Variants in RAD21L1 observed in about 807,000 individuals in gnomAD.
RAD21L1 encodes RAD21 cohesin complex component like 1, also known as double-strand-break repair protein rad21-like protein 1.
RAD21L1 carries 47 observed loss-of-function variants against 69.0 expected under a neutral mutation model. The observed-to-expected ratio is 0.68, with a 90% CI of 0.54 to 0.87. The LOEUF (loss-of-function observed/expected upper bound fraction) is 0.87, where lower values mean the gene tolerates loss of function less well. RAD21L1 is among the 40% of genes least tolerant of loss of function. The pLI, the probability that RAD21L1 is intolerant of heterozygous loss-of-function variation, is 0.00. For synonymous variants in RAD21L1, 177 were observed against 205.8 expected (o/e 0.86, Z 1.20); for missense variants, 583 against 647.6 (o/e 0.90, Z 1.08).
rs1210595853 is a variant in RAD21L1 at position 1,228,617 on chromosome 20, G to T, written c.144+20G>T. ...CCCAAGGTATGTTACTGATTAAAAT[G>T]ATAGCTTGTATTTATCATGACTTTG... On this transcript the variant is annotated intron_variant, in intron 2 of 13. Coordinates refer to ENST00000683101, the MANE Select transcript of RAD21L1 (RefSeq NM_001384355.1). The T allele has an allele frequency of 6.8e-7, 1 of 1,471,178 alleles. No individual in the cohort carries two copies. Among genetic ancestry groups the T allele is most frequent in the Non-Finnish European group, 9.1e-7 (1 of 1,096,790 alleles). 91.1% of individuals were successfully genotyped at this position (1,471,178 alleles called of 1,614,324 possible). A position where few individuals can be genotyped will look rare whatever the true frequency, so the allele number is the denominator to read the frequency against.
At chr20:1,233,966 A>G (rs1289528991) in intron 4 of RAD21L1, 119 bp from the exon 5 acceptor site, 1 of 564,288 alleles carries the variant, frequency 1.8e-6, no homozygotes, top group African/African-American at 1.9e-5. Flanking sequence ...ACTAGTGTTT[A>G]TAAATAATAC....
At chr20:1,240,287 T>G in intron 7 of RAD21L1, 34 bp from the exon 8 acceptor site, 12 of 1,514,316 alleles carry the variant, frequency 7.9e-6, no homozygotes, top group Non-Finnish European at 9.7e-6. Context: ...TAACTGGTTT[T>G]TTTTACAATT....
Position 1,228,581 on chromosome 20 carries a change from A to C in RAD21L1, c.128A>C (p.Lys43Thr). The change falls in exon 2 of 14, where the codon AAA becomes ACA. Residue 43 changes from lysine to threonine, a missense_variant. Physicochemically the swap from Lys to Thr is moderately conservative, Grantham distance 78 (BLOSUM62 -1). Transcript: ENST00000683101. ...TGTAATCTAGAGATAACCATTGAAA[A>C]AATTCTTTCACCCAAGGTATGTTAC... ...FECNLEITIEKILSPKVKIAL... is the reference protein window; with the variant it reads ...FECNLEITIETILSPKVKIAL... 1 of 1,542,918 alleles carries C rather than the reference A, an allele frequency of 6.5e-7. No individual in the cohort carries two copies. The highest frequency in any genetic ancestry group is 8.7e-7 in the Non-Finnish European group (1 of 1,143,632).
In RAD21L1 at chr20:1,254,482, T is replaced by C. The variant is rs2087898169; in HGVS notation, c.*25T>C. The C allele has an allele frequency of 7.0e-7, 1 of 1,431,802 alleles. No homozygotes were observed. The highest frequency in any genetic ancestry group is 9.3e-7 in the Non-Finnish European group (1 of 1,070,750). 88.7% of individuals were successfully genotyped at this position (1,431,802 alleles called of 1,614,324 possible). A position where few individuals can be genotyped will look rare whatever the true frequency, so the allele number is the denominator to read the frequency against. ...AAGGAAACCCAGACATACAGATTTA[T>C]GGCATCACTGGAATTTCTGTGTAGA... On this transcript the variant is annotated 3_prime_UTR_variant, in exon 14 of 14. Coordinates refer to ENST00000683101, the MANE Select transcript of RAD21L1 (RefSeq NM_001384355.1).
At chr20:1,253,046 A>G (rs1033912920) in intron 13 of RAD21L1, among the ~76,000 whole-genome samples, 1 of 152,210 alleles carries the variant, frequency 6.6e-6, no homozygotes, top group African/African-American at 2.4e-5. Context: ...AGGGGGGAAA[A>G]GCCATCCAGT....
rs71327497 is a variant in RAD21L1 at position 1,248,045 on chromosome 20, C to CAAAA, written c.1402-561_1402-558dup. Among the ~76,000 whole-genome samples the CAAAA allele has an allele frequency of 6.4e-3, 462 of 71,892 alleles. 7 individuals carry two copies. Among genetic ancestry groups the CAAAA allele is most frequent in the African/African-American group, 0.021 (373 of 17,502 alleles). 47.2% of individuals were successfully genotyped at this position (71,892 alleles called of 152,430 possible). ...CTGAAAGTGGTTAAGCCTTAAATACCAAAAAAAAAAAAAAAAAAAAAAAGA... is the reference window on the plus strand; with the variant it reads ...CTGAAAGTGGTTAAGCCTTAAATACCAAAAAAAAAAAAAAAAAAAAAAAAAAAGA... On this transcript the variant is annotated intron_variant, in intron 12 of 13. Coordinates refer to ENST00000683101, the MANE Select transcript of RAD21L1 (RefSeq NM_001384355.1).
Position 1,239,344 on chromosome 20 carries a change from T to A in RAD21L1, c.679T>A (p.Leu227Ile), listed in dbSNP as rs189277274. Residue 227 changes from leucine (L) to isoleucine (I), a missense_variant, in exon 7 of 14, where the codon TTA (leucine) becomes ATA (isoleucine). Coordinates refer to ENST00000683101, the MANE Select transcript of RAD21L1 (RefSeq NM_001384355.1). ...NLLQDDQNIL[L>I]EDMHLNREIS... ...ATTGCAAGATGATCAGAATATCCTG[T>A]TAGAAGACATGCATTTGAACAGAGA... 436 of 1,549,200 alleles carry A rather than the reference T, an allele frequency of 2.8e-4. 4 individuals carry two copies. In the African/African-American group the frequency reaches 4.2e-3, roughly 15 times the overall value.
Position 1,244,132 on chromosome 20 carries a change from A to G in RAD21L1, c.1270A>G (p.Ser424Gly). ...WKDVIGGSQH[S>G]SHEDTNKNIN... is the part of the protein sequence containing the mutation. ...GGATGTGATTGGTGGATCTCAGCAT[A>G]GCTCTCATGAGGATACCAATAAAAA... is the stretch of plus-strand genomic sequence containing the variant. Residue 424 changes from serine to glycine, a missense_variant, in exon 11 of 14, where the codon AGC becomes GGC. Coordinates refer to ENST00000683101, the MANE Select transcript of RAD21L1 (RefSeq NM_001384355.1). 1 of 1,548,288 alleles carries G rather than the reference A, an allele frequency of 6.5e-7. No individual in the cohort carries two copies. The highest frequency in any genetic ancestry group is 8.7e-7 in the Non-Finnish European group (1 of 1,144,076).
intron 7 of RAD21L1, among the ~76,000 whole-genome samples, 152 bp downstream of exon 7, chr20:1,239,559 G>A (rs751448893): frequency 1.3e-5 from 2 of 152,188 alleles, no homozygotes; most frequent in Non-Finnish European, 2.9e-5. Context: ...TATAAAATAG[G>A]AAATTGGATT....
At chr20:1,230,661 C>T (rs996137668) in intron 3 of RAD21L1, 4 of 345,822 alleles carry the variant, frequency 1.2e-5, no homozygotes, top group African/African-American at 8.9e-5. Flanking sequence ...TGTCTCAGTG[C>T]CTTGCACATA....
At chr20:1,236,154 C>T (rs564363250) in intron 5 of RAD21L1, among the ~76,000 whole-genome samples, 3 of 152,228 alleles carry the variant, frequency 2.0e-5, no homozygotes, top group Non-Finnish European at 4.4e-5. Context: ...TCTGAAATGT[C>T]TCTTAGATCT....
chr20:1,234,998 C>G (rs2087465480), intron 5 of RAD21L1, among the ~76,000 whole-genome samples: 1 of 152,214 alleles, frequency 6.6e-6, no homozygotes, highest in Non-Finnish European at 1.5e-5. Flanking sequence ...CTGCCTCAGA[C>G]TCCCAAATTG....
intron 12 of RAD21L1, among the ~76,000 whole-genome samples, chr20:1,248,151 C>T (rs1455477198): frequency 6.7e-6 from 1 of 149,736 alleles, no homozygotes; most frequent in Admixed American, 6.7e-5. Context: ...AGATTTCTAA[C>T]CCAATTGTAC....
At chr20:1,237,817 T>A (rs551118457) in intron 5 of RAD21L1, among the ~76,000 whole-genome samples, 3 of 152,200 alleles carry the variant, frequency 2.0e-5, no homozygotes, top group South Asian at 4.1e-4. Flanking sequence ...CTATGTAATA[T>A]GTTGGCATTT....
intron 3 of RAD21L1, 35 bp downstream of exon 3, chr20:1,230,044 T>G (rs1232848899): frequency 6.7e-7 from 1 of 1,498,498 alleles, no homozygotes; most frequent in Admixed American, 2.0e-5. Flanking sequence ...TCCTTCTTGG[T>G]TCCCTTTTGC....
chr20:1,253,493 C>T (rs2087877028), intron 13 of RAD21L1, among the ~76,000 whole-genome samples: 1 of 152,126 alleles, frequency 6.6e-6, no homozygotes, highest in Admixed American at 6.5e-5. Context: ...GACAAGGTTT[C>T]ACCATGTTTG....
chr20:1,243,899 G>A (rs771817174), intron 10 of RAD21L1, 147 bp from the exon 11 acceptor site: 22 of 660,966 alleles, frequency 3.3e-5, no homozygotes, highest in Non-Finnish European at 4.9e-5. Context: ...TGTGAGACTT[G>A]GGAGCAATAA....
Position 1,234,211 on chromosome 20 carries a change from C to G in RAD21L1, c.475+20C>G. 1 of 1,055,234 alleles carries G rather than the reference C, an allele frequency of 9.5e-7. No homozygotes were observed. The highest frequency in any genetic ancestry group is 1.4e-6 in the Non-Finnish European group (1 of 701,696). 65.4% of individuals were successfully genotyped at this position (1,055,234 alleles called of 1,614,324 possible). A position where few individuals can be genotyped will look rare whatever the true frequency, so the allele number is the denominator to read the frequency against. On this transcript the variant is annotated intron_variant, in intron 5 of 13. Transcript: ENST00000683101. Reference sequence around the variant, plus strand: ...GCTTTGGTGAGAATATTTGAGAACTCAAAATTACAAATTATAATCAATTAT... The same window carrying G: ...GCTTTGGTGAGAATATTTGAGAACTGAAAATTACAAATTATAATCAATTAT...
chr20:1,239,471 T>C, intron 7 of RAD21L1, 64 bp downstream of exon 7: 1 of 823,978 alleles, frequency 1.2e-6, no homozygotes, highest in Non-Finnish European at 2.0e-6. Context: ...TCAGAACTTC[T>C]GAATTTAAGT....
Sources: gnomAD v4.1 joint callset for allele counts (sites outside exome capture counted in the v4.1 genomes callset) on GRCh38, gnomAD v4.1.1 for gene constraint, MANE v1.5 for transcripts, NCBI Gene and HGNC (gene_info 2026-07-23, HGNC 2026-07-21) for gene names.